The following TCERG1 variants were observed in gnomAD, a reference collection of about 807,000 sequenced individuals.
TCERG1 encodes TATA box binding protein (TBP)-associated factor, RNA polymerase II, S, 150kD.
Under a neutral mutation model 144.7 loss-of-function variants are expected in TCERG1, and 37 were observed. That is an observed-to-expected ratio of 0.26 (90% confidence interval 0.20 to 0.34). The LOEUF (loss-of-function observed/expected upper bound fraction) is 0.34, where lower values mean the gene tolerates loss of function less well. Ranked by LOEUF, TCERG1 falls within the 10% of genes least tolerant of loss-of-function variation. The pLI, the probability that TCERG1 is intolerant of heterozygous loss-of-function variation, is 1.00. For missense variants in TCERG1, 1,027 were observed against 1,380.7 expected, an observed-to-expected ratio of 0.74 and a Z score of 4.06; for synonymous variants, 492 against 458.2, an observed-to-expected ratio of 1.07 and a Z score of -0.94.
At chr5:146,491,231 C>T (rs1766388841) in intron 15 of TCERG1, among the ~76,000 whole-genome samples, 1 of 151,962 alleles carries the variant, frequency 6.6e-6, no homozygotes, top group Non-Finnish European at 1.5e-5. Flanking sequence ...AAATGATCCT[C>T]CTGCCTTGCC....
intron 5 of TCERG1, among the ~76,000 whole-genome samples, chr5:146,465,969 G>A (rs201561790): frequency 4.7e-5 from 7 of 148,702 alleles, no homozygotes; most frequent in African/African-American, 1.3e-4. Flanking sequence ...GCAGTGAGCC[G>A]AGATCGCGCC....
intron 1 of TCERG1, among the ~76,000 whole-genome samples, chr5:146,452,872 CGAGCCACCGTGGGCCA>C (rs752202326): frequency 2.6e-5 from 4 of 152,036 alleles, no homozygotes; most frequent in Non-Finnish European, 5.9e-5. Context: ...ATTACAGGCG[CGAGCCACCGTGGGCCA>C]CCTGAATCCT....
Position 146,469,590 on chromosome 5 carries a change from C to T in TCERG1, c.1245C>T (p.Pro415=). ...CTCCTATCGTACCCATGATACATCC[C>T]CAGGTTGCTATTGCAGCTTCACCTG... ...MAPPIVPMIH[P]QVAIAASPAT... Residue 415 remains proline (P), a synonymous_variant, in exon 7 of 23, where the codon CCC becomes CCT. Transcript: ENST00000679501. 6.2e-7 allele frequency: 1 copy of T among 1,612,856 alleles called. No individual in the cohort carries two copies. Among genetic ancestry groups the T allele is most frequent in the South Asian group, 1.1e-5 (1 of 90,966 alleles).
rs1186356650 is a variant in TCERG1, at chr5:146,459,144, A to C, written c.699A>C (p.Ala233=). ...AQAQAQAQAQ[A]QAQAQAQAQV... ...CCCAGGCCCAGGCTCAGGCTCAGGC[A>C]CAAGCTCAGGCCCAGGCCCAGGCTC... The change falls in exon 4 of 23, where the codon GCA becomes GCC. Residue 233 remains alanine, a synonymous_variant. Transcript: ENST00000679501. 7 of 1,609,736 alleles carry C rather than the reference A, an allele frequency of 4.3e-6. No individual in the cohort carries two copies. The highest frequency in any genetic ancestry group is 2.2e-5 in the East Asian group (1 of 44,750).
chr5:146,498,624 A>T lies in TCERG1; in HGVS notation c.2371A>T (p.Asn791Tyr). The change falls in exon 17 of 23, where the codon AAT (asparagine) becomes TAT (tyrosine). Residue 791 changes from asparagine to tyrosine, a missense_variant. Physicochemically the swap from Asn to Tyr is moderately radical, Grantham distance 143. This residue lies in a region of TCERG1 where 482 missense variants were observed against 632.6 expected (regional missense o/e 0.76). Coordinates refer to ENST00000679501, the MANE Select transcript of TCERG1 (RefSeq NM_001382548.1). ...EKMKDREALFNEFVAAARKKE... is the reference protein window; with the variant it reads ...EKMKDREALFYEFVAAARKKE... ...GATGAAAGACCGAGAAGCCTTGTTT[A>T]ATGAGTTTGTGGCCGCTGCTAGGAA... 6.2e-7 allele frequency: 1 copy of T among 1,612,428 alleles called. No individual in the cohort carries two copies. The highest frequency in any genetic ancestry group is 8.5e-7 in the Non-Finnish European group (1 of 1,179,262).
In TCERG1 at chr5:146,477,443, A is replaced by G. The variant is rs376168889; in HGVS notation, c.1602-1050A>G. ...CAACCATGCCACTCTGCAACCAGAG[A>G]TCACCCTCAGGGCAGAGCTACGAGG... On this transcript the variant is annotated intron_variant, in intron 9 of 22. Transcript: ENST00000679501. Among the ~76,000 whole-genome samples the G allele has an allele frequency of 3.9e-5, 6 of 152,212 alleles. No homozygotes were observed. In the East Asian group the frequency reaches 7.8e-4, roughly 20 times the overall value.
At chr5:146,478,153 A>G (rs1765024596) in intron 9 of TCERG1, among the ~76,000 whole-genome samples, 1 of 152,234 alleles carries the variant, frequency 6.6e-6, no homozygotes, top group South Asian at 2.1e-4. Flanking sequence ...ACTGCTTAAT[A>G]GCATTATTGT....
In TCERG1 at chr5:146,459,155, CCCAGGCCCAGGCTCAGGT is replaced by C; in HGVS notation, c.722_739del (p.Ala241_Gln246del). 29 of 1,612,890 alleles carry C rather than the reference CCCAGGCCCAGGCTCAGGT, an allele frequency of 1.8e-5. No homozygotes were observed. In the East Asian group the frequency reaches 4.7e-4, roughly 26 times the overall value. Reference sequence around the variant, plus strand: ...GCTCAGGCTCAGGCACAAGCTCAGGCCCAGGCCCAGGCTCAGGTCCAGGCCCAGGTCCAGGCACAAGTG... The same window carrying C: ...GCTCAGGCTCAGGCACAAGCTCAGGCCCAGGCCCAGGTCCAGGCACAAGTG... On this transcript the variant is annotated inframe_deletion, in exon 4 of 23. Transcript: ENST00000679501.
chr5:146,479,764 AAT>A, intron 10 of TCERG1, 89 bp from the exon 11 acceptor site: 2 of 1,243,468 alleles, frequency 1.6e-6, no homozygotes, highest in Non-Finnish European at 2.3e-6. Flanking sequence ...TTAAGAGGTG[AAT>A]ATATTATGTA....
At chr5:146,506,506 T>C (rs565021950) in intron 19 of TCERG1, among the ~76,000 whole-genome samples, 8 of 152,344 alleles carry the variant, frequency 5.3e-5, no homozygotes, top group African/African-American at 1.7e-4. Context: ...TTATAATTTT[T>C]TGTGGTGAGA....
chr5:146,510,250 G>A, intron 22 of TCERG1, 191 bp from the exon 23 acceptor site: 1 of 686,434 alleles, frequency 1.5e-6, no homozygotes, highest in Non-Finnish European at 2.3e-6. Flanking sequence ...AGCTTCTGAG[G>A]CCCTTTCACT....
In TCERG1 at chr5:146,509,208, A is replaced by C; in HGVS notation, c.3109A>C (p.Arg1037=). The change falls in exon 22 of 23, where the codon AGG becomes CGG. Residue 1037 remains arginine (R), a synonymous_variant. Transcript: ENST00000679501. ...ATATATCACAGCCAAAGCTGACTTC[A>C]GGACGCTTTTGAAAGAGACCAAATT... ...DKYITAKADF[R]TLLKETKFIT... The C allele has an allele frequency of 6.2e-7, 1 of 1,610,074 alleles. No individual in the cohort carries two copies. Among genetic ancestry groups the C allele is most frequent in the Non-Finnish European group, 8.5e-7 (1 of 1,178,546 alleles).
intron 22 of TCERG1, 148 bp from the exon 23 acceptor site, chr5:146,510,293 G>C: frequency 1.4e-6 from 1 of 728,594 alleles, no homozygotes; most frequent in South Asian, 2.0e-5. Flanking sequence ...ACTTACAAAG[G>C]TGACCACTGC....
intron 4 of TCERG1, 107 bp from the exon 5 acceptor site, chr5:146,463,443 TA>T: frequency 7.3e-6 from 11 of 1,510,138 alleles, no homozygotes; most frequent in Non-Finnish European, 9.8e-6. Context: ...TTGCAGTGCA[TA>T]GAATGGTCCC....
intron 22 of TCERG1, chr5:146,510,152 A>G: frequency 8.2e-7 from 1 of 1,220,000 alleles, no homozygotes; most frequent in Non-Finnish European, 1.1e-6. Flanking sequence ...CTGTTCATCC[A>G]CAGAACAGGT....
At chr5:146,503,731 A>C (rs756862801) in intron 18 of TCERG1, 93 bp from the exon 19 acceptor site, 153 of 1,465,354 alleles carry the variant, frequency 1.0e-4, no homozygotes, top group Non-Finnish European at 1.3e-4. Flanking sequence ...CAAAAACTAG[A>C]TTTGGAATTT....
intron 15 of TCERG1, among the ~76,000 whole-genome samples, chr5:146,487,446 C>G (rs1341580579): frequency 6.6e-6 from 1 of 152,048 alleles, no homozygotes; most frequent in Non-Finnish European, 1.5e-5. Context: ...AACAGAATGT[C>G]ACTGGAAGAA....
intron 16 of TCERG1, among the ~76,000 whole-genome samples, chr5:146,495,936 C>T (rs1254112385): frequency 6.6e-6 from 1 of 152,042 alleles, no homozygotes; most frequent in African/African-American, 2.4e-5. Context: ...AGGTGGATCA[C>T]GAGGTCAGGA....
intron 6 of TCERG1, 100 bp from the exon 7 acceptor site, chr5:146,469,444 T>C: frequency 1.0e-6 from 1 of 986,624 alleles, no homozygotes; most frequent in Non-Finnish European, 1.4e-6. Context: ...GGTCCATTCA[T>C]TTATTAATAT....
Sources: gnomAD v4.1 joint callset for allele counts (sites outside exome capture counted in the v4.1 genomes callset) on GRCh38, gnomAD v4.1.1 for gene constraint, gnomAD v4.1.1 regional missense constraint, MANE v1.5 for transcripts, NCBI Gene and HGNC (gene_info 2026-07-23, HGNC 2026-07-21) for gene names.